PACS2: variants seen among roughly 807,000 people sequenced by gnomAD.
PACS2 encodes the protein PACS1-like protein.
A neutral mutation model predicts 113.0 loss-of-function variants in PACS2; 36 were observed. The observed-to-expected ratio is 0.32, with a 90% CI of 0.24 to 0.42. PACS2 has a LOEUF of 0.42. Among genes scored for constraint, PACS2 ranks in the 10% least tolerant of loss-of-function variants. PACS2 has a pLI of 1.00. For synonymous variants in PACS2, 589 were observed against 536.1 expected (o/e 1.10, Z -1.36); for missense variants, 1,015 against 1,239.5 (o/e 0.82, Z 2.72).
chr14:105,384,140 A>G (rs1314736085), intron 16 of PACS2: 4 of 546,856 alleles, frequency 7.3e-6, no homozygotes, highest in Non-Finnish European at 1.3e-5. Flanking sequence ...GGGCTCTGGG[A>G]CCTCAGCTCA....
chr14:105,346,554 T>C (rs1287882842), intron 1 of PACS2, among the ~76,000 whole-genome samples: 1 of 45,400 alleles, frequency 2.2e-5, no homozygotes, highest in African/African-American at 9.6e-5. Context: ...CCTGCACAGT[T>C]CCCCCACTCC....
Position 105,365,031 on chromosome 14 carries a change from A to G in PACS2, c.424-2182A>G, listed in dbSNP as rs587682034. Among the ~76,000 whole-genome samples, 2 of 152,330 alleles carry G rather than the reference A, an allele frequency of 1.3e-5. No homozygotes were observed. Among genetic ancestry groups the G allele is most frequent in the Admixed American group, 6.5e-5 (1 of 15,306 alleles). ...CCTAGTCACTAAAATCTATTTGAAA[A>G]TGGAAGAGGGAGGAGCCTGTCAGGG... is the stretch of plus-strand genomic sequence containing the variant. On this transcript the variant is annotated intron_variant, in intron 4 of 24. Transcript: ENST00000447393. This position sits in a 1 kb window ranked among gnomAD's most constrained non-coding sequence, Gnocchi z 5.1.
chr14:105,379,875 T>C lies in PACS2; in HGVS notation c.1050+46T>C, dbSNP rs1555411491. On this transcript the variant is annotated intron_variant, in intron 10 of 24. Coordinates refer to ENST00000447393, the MANE Select transcript of PACS2 (RefSeq NM_001100913.3). ...CTCCCAGAGCAGACCGTGGTCTGACTGGGCTGTGGTGTGGCCCAAATCTCC... is the reference window on the plus strand; with the variant it reads ...CTCCCAGAGCAGACCGTGGTCTGACCGGGCTGTGGTGTGGCCCAAATCTCC... The C allele has an allele frequency of 1.9e-6, 3 of 1,560,002 alleles. No homozygotes were observed. The African/African-American group carries it at 4.1e-5, about 21-fold the overall frequency.
At chr14:105,342,737 C>T (rs1412967122) in intron 1 of PACS2, among the ~76,000 whole-genome samples, 4 of 151,720 alleles carry the variant, frequency 2.6e-5, no homozygotes, top group Admixed American at 6.6e-5. Flanking sequence ...AGTTCAAAAC[C>T]AGCCTGGCCG....
chr14:105,309,267 C>G lies in PACS2; in HGVS notation c.-83+8288C>G, dbSNP rs2058279649. The stretch of plus-strand genomic sequence containing the variant: ...TCTTAATCTTGGGGCTCAGGATAAC[C>G]ACAGTCAAGAGGGGAGAGTTTTATT... On this transcript the variant is annotated intron_variant, in intron 1 of 23. Coordinates refer to the PACS2 transcript ENST00000430725. The surrounding 1 kb of genome is among the most constrained non-coding windows in gnomAD (Gnocchi z 4.0). 6.6e-6 allele frequency among the ~76,000 whole-genome samples: 1 copy of G among 152,138 alleles called. No homozygotes were observed. Among genetic ancestry groups the G allele is most frequent in the Non-Finnish European group, 1.5e-5 (1 of 68,036 alleles).
At chr14:105,361,046 A>G (rs782163874) in intron 4 of PACS2, among the ~76,000 whole-genome samples, 5 of 152,218 alleles carry the variant, frequency 3.3e-5, no homozygotes, top group African/African-American at 4.8e-5. Flanking sequence ...TCCTCTTGCT[A>G]TTTCCACCAC....
At chr14:105,306,866 A>T (rs920158558) in intron 1 of PACS2, among the ~76,000 whole-genome samples, 1 of 152,006 alleles carries the variant, frequency 6.6e-6, no homozygotes, top group Admixed American at 6.6e-5. Context: ...TTGGCCTCCC[A>T]AAGTGCTGGG....
chr14:105,325,169 C>CA (rs1555398083), intron 1 of PACS2, among the ~76,000 whole-genome samples: 7 of 41,934 alleles, frequency 1.7e-4, no homozygotes, highest in African/African-American at 3.5e-4. Context: ...GGTGGTGGGA[C>CA]GGGGGGGGGC....
intron 5 of PACS2, 25 bp from the exon 6 acceptor site, chr14:105,368,049 T>C (rs2141147244): frequency 6.5e-7 from 1 of 1,527,122 alleles, no homozygotes; most frequent in Non-Finnish European, 9.1e-7. Context: ...CACGGCACCC[T>C]CCCTTCTGTC....
intron 18 of PACS2, among the ~76,000 whole-genome samples, 195 bp downstream of exon 18, chr14:105,385,182 T>C (rs1342126598): frequency 6.6e-6 from 1 of 152,178 alleles, no homozygotes; most frequent in Non-Finnish European, 1.5e-5. Flanking sequence ...AGATCCCTCA[T>C]AGTAAGCGCC....
chr14:105,309,894 T>C (rs1039184436), upstream of PACS2, among the ~76,000 whole-genome samples: 5 of 146,684 alleles, frequency 3.4e-5, no homozygotes, highest in African/African-American at 1.3e-4. The surrounding 1 kb of genome is among the most constrained non-coding windows in gnomAD (Gnocchi z 4.0). Flanking sequence ...CAAGCAATTC[T>C]CCTGTCTCAG....
intron 2 of PACS2, among the ~76,000 whole-genome samples, chr14:105,350,519 G>T (rs192750452): frequency 6.6e-6 from 1 of 152,086 alleles, no homozygotes; most frequent in African/African-American, 2.4e-5. Context: ...GGCTGCCCAT[G>T]CCCTCCCTGC....
chr14:105,347,470 G>A (rs1261375969), intron 1 of PACS2, among the ~76,000 whole-genome samples: 6 of 152,190 alleles, frequency 3.9e-5, no homozygotes, highest in Non-Finnish European at 8.8e-5. Flanking sequence ...TCTGGCGCCT[G>A]TTCTGGTGTT....
At chr14:105,385,031 C>A in intron 18 of PACS2, 44 bp downstream of exon 18, 1 of 1,246,954 alleles carries the variant, frequency 8.0e-7, no homozygotes, top group Non-Finnish European at 1.1e-6. Flanking sequence ...CTGCCGCCAG[C>A]CACCAACCCT....
At chr14:105,383,816 TCTC>T (rs1365150398) in intron 16 of PACS2, 5 of 392,394 alleles carry the variant, frequency 1.3e-5, no homozygotes, top group Non-Finnish European at 2.3e-5. Flanking sequence ...GAGCTGGGTG[TCTC>T]CTCCATCAGT....
At chr14:105,394,047 A>G (rs1216459181) in intron 24 of PACS2, among the ~76,000 whole-genome samples, 1 of 150,130 alleles carries the variant, frequency 6.7e-6, no homozygotes, top group Non-Finnish European at 1.5e-5. Context: ...CAAAAAAAAA[A>G]AAAAAAAAAG....
intron 19 of PACS2, chr14:105,389,152 G>A (rs1285127881): frequency 2.0e-5 from 3 of 152,370 alleles, no homozygotes; most frequent in African/African-American, 4.8e-5. Context: ...ACACGTCGGA[G>A]GGGAAGACAG....
In PACS2 at chr14:105,367,536, G is replaced by A. The variant is rs587748899; in HGVS notation, c.586+161G>A. On this transcript the variant is annotated intron_variant, in intron 5 of 24. Transcript: ENST00000447393. ...TGTCTGGAAGCCACAGCAGAGGTGCGCGCTGTTGTAGGGTCCGGGCTGCCA... is the reference window on the plus strand; with the variant it reads ...TGTCTGGAAGCCACAGCAGAGGTGCACGCTGTTGTAGGGTCCGGGCTGCCA... Among the ~76,000 whole-genome samples, 39 of 152,352 alleles carry A rather than the reference G, an allele frequency of 2.6e-4. No individual in the cohort carries two copies. In the South Asian group the frequency reaches 5.0e-3, roughly 19 times the overall value.
At chr14:105,387,070 G>T (rs1023547943) in intron 19 of PACS2, among the ~76,000 whole-genome samples, 11 of 152,172 alleles carry the variant, frequency 7.2e-5, no homozygotes, top group Non-Finnish European at 1.3e-4. Context: ...TGTTGCAGGG[G>T]TGACACTGGC....
Sources: gnomAD v4.1 joint callset for allele counts (sites outside exome capture counted in the v4.1 genomes callset) on GRCh38, gnomAD v4.1.1 for gene constraint, Gnocchi (gnomAD v3.1) non-coding constraint, MANE v1.5 for transcripts, NCBI Gene and HGNC (gene_info 2026-07-23, HGNC 2026-07-21) for gene names.